The following CAMTA1 variants were observed in gnomAD, a reference collection of about 807,000 sequenced individuals.
The protein encoded by CAMTA1 is calmodulin binding transcription activator 1.
CAMTA1 carries 27 observed loss-of-function variants against 170.9 expected under a neutral mutation model. The observed-to-expected ratio is 0.16, with a 90% CI of 0.12 to 0.22. The LOEUF (loss-of-function observed/expected upper bound fraction) is 0.22. CAMTA1 is among the 10% of genes least tolerant of loss of function. The pLI, the probability that CAMTA1 is intolerant of heterozygous loss-of-function variation, is 1.00. For missense variants in CAMTA1, 1,619 were observed against 2,217.2 expected (o/e 0.73, Z 5.42); for synonymous variants, 833 against 891.5 (o/e 0.93, Z 1.17).
chr1:6,889,929 T>A (rs1194337953), intron 3 of CAMTA1, among the ~76,000 whole-genome samples: 3 of 152,224 alleles, frequency 2.0e-5, no homozygotes, highest in African/African-American at 7.2e-5. Flanking sequence ...AAATTGAAAA[T>A]TTTGACCAGC....
At chr1:7,477,787 G>C (rs1171374602) in intron 6 of CAMTA1, among the ~76,000 whole-genome samples, 2 of 152,262 alleles carry the variant, frequency 1.3e-5, no homozygotes, top group African/African-American at 4.8e-5. Context: ...TGCAGACTGC[G>C]GCGGCCAACG....
chr1:7,031,635 G>A (rs976006335), intron 3 of CAMTA1, among the ~76,000 whole-genome samples: 7 of 152,128 alleles, frequency 4.6e-5, no homozygotes, highest in African/African-American at 1.7e-4. Flanking sequence ...CGCCTCCCGG[G>A]TTCAAGTGAT....
At chr1:7,553,468 G>A (rs914584731) in intron 6 of CAMTA1, among the ~76,000 whole-genome samples, 2 of 152,184 alleles carry the variant, frequency 1.3e-5, no homozygotes, top group Non-Finnish European at 2.9e-5. Flanking sequence ...CATCCCACAG[G>A]GCTCCCCTGG....
At chr1:7,078,132 C>T (rs922233264) in intron 3 of CAMTA1, among the ~76,000 whole-genome samples, 9 of 152,216 alleles carry the variant, frequency 5.9e-5, no homozygotes, top group African/African-American at 2.2e-4. Context: ...ATCCCTTGTC[C>T]TTAGTTCTTA....
At chr1:7,017,237 T>G (rs1557977342) in intron 3 of CAMTA1, among the ~76,000 whole-genome samples, 1 of 152,252 alleles carries the variant, frequency 6.6e-6, no homozygotes, top group Admixed American at 6.5e-5. Context: ...CTGATGGGCC[T>G]TGCTGTGTGA....
intron 6 of CAMTA1, among the ~76,000 whole-genome samples, chr1:7,529,757 C>G (rs186657193): frequency 6.6e-6 from 1 of 152,294 alleles, no homozygotes; most frequent in East Asian, 1.9e-4. Flanking sequence ...GCAAAGCAGT[C>G]ACTCCCTTAT....
At chr1:7,447,187 T>C (rs1322439670) in intron 5 of CAMTA1, among the ~76,000 whole-genome samples, 2 of 151,952 alleles carry the variant, frequency 1.3e-5, no homozygotes, top group South Asian at 2.1e-4. Flanking sequence ...GCTGAGAACA[T>C]TGCTTTACCA....
chr1:7,117,854 G>C (rs1281806398), intron 4 of CAMTA1, among the ~76,000 whole-genome samples: 1 of 152,166 alleles, frequency 6.6e-6, no homozygotes, highest in Non-Finnish European at 1.5e-5. Context: ...TTCCCGTTCT[G>C]CTGTGGTCAT....
chr1:6,896,321 C>A (rs1675656886), intron 3 of CAMTA1, among the ~76,000 whole-genome samples: 1 of 152,084 alleles, frequency 6.6e-6, no homozygotes, highest in Non-Finnish European at 1.5e-5. Flanking sequence ...AGGAGTTCAC[C>A]AGTGGCGATC....
In CAMTA1 at chr1:6,820,261, A is replaced by G; in HGVS notation, c.115+11A>G. The G allele has an allele frequency of 6.2e-7, 1 of 1,613,978 alleles. No homozygotes were observed. Among genetic ancestry groups the G allele is most frequent in the Non-Finnish European group, 8.5e-7 (1 of 1,179,874 alleles). On this transcript the variant is annotated intron_variant, in intron 2 of 22. Coordinates refer to ENST00000303635, the MANE Select transcript of CAMTA1 (RefSeq NM_015215.4). ...TGCCACCTATAGAAGGTAGGATTTG[A>G]AAAAGCTTTTGACTTACAGGAAGGG...
intron 11 of CAMTA1, among the ~76,000 whole-genome samples, chr1:7,711,742 C>T (rs927254497): frequency 2.0e-5 from 3 of 152,128 alleles, no homozygotes; most frequent in Non-Finnish European, 2.9e-5. Flanking sequence ...GTGAAAGAAG[C>T]GATGTCACTC....
chr1:7,457,173 T>G (rs1014434678), intron 5 of CAMTA1, among the ~76,000 whole-genome samples: 1 of 152,006 alleles, frequency 6.6e-6, no homozygotes, highest in Non-Finnish European at 1.5e-5. Context: ...TTTACCTTAT[T>G]ATCAATTTTT....
chr1:7,380,050 C>T (rs2087162836), intron 5 of CAMTA1, among the ~76,000 whole-genome samples: 1 of 152,218 alleles, frequency 6.6e-6, no homozygotes, highest in Non-Finnish European at 1.5e-5. Flanking sequence ...AAGACAGGGT[C>T]TGCAGGAACA....
At chr1:7,081,517 C>T (rs1640008827) in intron 3 of CAMTA1, among the ~76,000 whole-genome samples, 1 of 152,194 alleles carries the variant, frequency 6.6e-6, no homozygotes, top group African/African-American at 2.4e-5. Context: ...AATGAGTGTT[C>T]TGGTTAGCAT....
chr1:7,467,141 A>C (rs1264206354), intron 5 of CAMTA1, among the ~76,000 whole-genome samples: 2 of 152,164 alleles, frequency 1.3e-5, no homozygotes, highest in Non-Finnish European at 2.9e-5. Context: ...CCCGACCCAC[A>C]GTCCACCCTT....
At chr1:7,317,847 A>C (rs1677763978) in intron 5 of CAMTA1, among the ~76,000 whole-genome samples, 3 of 152,214 alleles carry the variant, frequency 2.0e-5, no homozygotes, top group Admixed American at 2.0e-4. Context: ...AAAAATAATA[A>C]TTGTAAAGTG....
intron 5 of CAMTA1, among the ~76,000 whole-genome samples, chr1:7,434,962 G>A (rs770699202): frequency 9.2e-5 from 14 of 152,074 alleles, no homozygotes; most frequent in Non-Finnish European, 1.8e-4. Flanking sequence ...TGAGGTAAAA[G>A]GATCACCTGA....
chr1:7,271,249 T>C (rs1200625583), intron 5 of CAMTA1, among the ~76,000 whole-genome samples: 1 of 152,122 alleles, frequency 6.6e-6, no homozygotes, highest in African/African-American at 2.4e-5. Flanking sequence ...GGAAAGGCCA[T>C]GTGAGGATGT....
At chr1:7,301,188 G>A (rs1335652611) in intron 5 of CAMTA1, among the ~76,000 whole-genome samples, 3 of 152,202 alleles carry the variant, frequency 2.0e-5, no homozygotes, top group African/African-American at 7.2e-5. Flanking sequence ...TTCATCTGAA[G>A]CATTCTTTGC....
Sources: gnomAD v4.1 joint callset for allele counts (sites outside exome capture counted in the v4.1 genomes callset) on GRCh38, gnomAD v4.1.1 for gene constraint, MANE v1.5 for transcripts, NCBI Gene and HGNC (gene_info 2026-07-23, HGNC 2026-07-21) for gene names.